CTNNA2: variants seen among roughly 807,000 people sequenced by gnomAD.
CTNNA2 encodes catenin alpha-2.
In CTNNA2, 42 loss-of-function variants were observed where a neutral mutation model predicts 101.0. The ratio of observed to expected loss-of-function variants is 0.42; its 90% CI spans 0.32 to 0.54. CTNNA2 has a LOEUF of 0.54. CTNNA2 is among the 20% of genes least tolerant of loss of function. CTNNA2 has a pLI of 0.14. For synonymous variants in CTNNA2, 450 were observed against 456.4 expected (o/e 0.99, Z 0.18); for missense variants, 871 against 1,223.1 (o/e 0.71, Z 4.29).
intron 2 of CTNNA2, among the ~76,000 whole-genome samples, chr2:79,282,527 G>A (rs956124026): frequency 4.8e-4 from 72 of 151,190 alleles, no homozygotes; most frequent in African/African-American, 5.8e-4. Flanking sequence ...TTGTTCTTGC[G>A]ATAGTTTACT....
intron 7 of CTNNA2, among the ~76,000 whole-genome samples, chr2:80,020,645 C>A (rs1246026687): frequency 6.6e-6 from 1 of 152,044 alleles, no homozygotes; most frequent in Non-Finnish European, 1.5e-5. Context: ...TGCAGAGAAC[C>A]CCTTTTCAGG....
chr2:80,344,369 T>A lies in CTNNA2; in HGVS notation c.1057-48842T>A, dbSNP rs890611281. ...GGTCAGGGTTTAAATATCATCTTTT[T>A]GTTGCTGACTCCCAAATTTATGTCT... is the stretch of plus-strand genomic sequence containing the variant. On this transcript the variant is annotated intron_variant, in intron 7 of 18. Coordinates refer to ENST00000402739, the MANE Select transcript of CTNNA2 (RefSeq NM_001282597.3). Among the ~76,000 whole-genome samples the A allele has an allele frequency of 1.1e-3, 169 of 152,318 alleles. 1 individual carries two copies. Among genetic ancestry groups the A allele is most frequent in the Non-Finnish European group, 2.8e-4 (19 of 68,014 alleles).
chr2:79,728,790 A>T (rs939660812), intron 2 of CTNNA2, among the ~76,000 whole-genome samples: 3 of 152,200 alleles, frequency 2.0e-5, no homozygotes, highest in African/African-American at 7.2e-5. Flanking sequence ...AGCTTTCTCC[A>T]TATGGCTAGC....
At chr2:80,490,465 C>T (rs1686977229) in intron 9 of CTNNA2, among the ~76,000 whole-genome samples, 1 of 151,924 alleles carries the variant, frequency 6.6e-6, no homozygotes, top group East Asian at 1.9e-4. Context: ...ATTCAGATTT[C>T]ATATAATTTT....
At chr2:80,560,859 C>T (rs1350197015) in intron 12 of CTNNA2, among the ~76,000 whole-genome samples, 1 of 152,132 alleles carries the variant, frequency 6.6e-6, no homozygotes, top group Non-Finnish European at 1.5e-5. Flanking sequence ...TATAGGTACC[C>T]ACAGCCTAGA....
intron 3 of CTNNA2, among the ~76,000 whole-genome samples, chr2:79,842,611 T>TTTCA (rs1169857015): frequency 2.6e-5 from 4 of 152,192 alleles, no homozygotes; most frequent in African/African-American, 9.6e-5. Flanking sequence ...GATCACCGAC[T>TTTCA]TTCAGACTTA....
chr2:80,561,054 T>A (rs1693543408), intron 12 of CTNNA2, among the ~76,000 whole-genome samples: 1 of 152,194 alleles, frequency 6.6e-6, no homozygotes, highest in African/African-American at 2.4e-5. Context: ...GGCCTATGCT[T>A]CCTTCAGTTG....
At chr2:80,475,724 T>G (rs1196547274) in intron 9 of CTNNA2, among the ~76,000 whole-genome samples, 2 of 152,130 alleles carry the variant, frequency 1.3e-5, no homozygotes, top group Non-Finnish European at 2.9e-5. Flanking sequence ...TTACTAACAG[T>G]CAAATCTTCC....
intron 2 of CTNNA2, among the ~76,000 whole-genome samples, chr2:79,733,295 A>G (rs192939744): frequency 2.6e-5 from 4 of 152,280 alleles, no homozygotes; most frequent in East Asian, 1.9e-4. Context: ...ATGTAAATAC[A>G]TATTTTAACT....
intron 7 of CTNNA2, among the ~76,000 whole-genome samples, chr2:80,181,789 T>G (rs1457343919): frequency 6.6e-6 from 1 of 152,190 alleles, no homozygotes; most frequent in Non-Finnish European, 1.5e-5. Context: ...GAATCAGGAG[T>G]ATCAAATGAA....
chr2:79,654,378 T>C (rs953657184), intron 2 of CTNNA2, among the ~76,000 whole-genome samples: 3 of 152,208 alleles, frequency 2.0e-5, no homozygotes, highest in African/African-American at 7.2e-5. Context: ...CCAGTGTGGC[T>C]CTAGGGAGGC....
intron 7 of CTNNA2, among the ~76,000 whole-genome samples, chr2:80,285,076 T>C (rs1674652390): frequency 6.6e-6 from 1 of 152,076 alleles, no homozygotes; most frequent in Non-Finnish European, 1.5e-5. Context: ...AAGTGAAATA[T>C]TACTCTGAGG....
intron 4 of CTNNA2, among the ~76,000 whole-genome samples, chr2:79,441,581 C>T (rs1678778724): frequency 6.6e-6 from 1 of 152,174 alleles, no homozygotes; most frequent in Non-Finnish European, 1.5e-5. Context: ...TTTGTCCCTT[C>T]TCATTCCATG....
At chr2:79,625,766 T>C (rs1465299634) in intron 1 of CTNNA2, among the ~76,000 whole-genome samples, 1 of 152,198 alleles carries the variant, frequency 6.6e-6, no homozygotes, top group Admixed American at 6.5e-5. Flanking sequence ...AAAACACTGA[T>C]ACTTTGCCTT....
intron 1 of CTNNA2, among the ~76,000 whole-genome samples, chr2:79,519,462 A>G (rs1388026951): frequency 6.6e-6 from 1 of 152,156 alleles, no homozygotes; most frequent in African/African-American, 2.4e-5. Flanking sequence ...CAGGTTTTCA[A>G]CCAGCTAATT....
chr2:80,058,181 A>T (rs1459561907), intron 7 of CTNNA2, among the ~76,000 whole-genome samples: 1 of 152,194 alleles, frequency 6.6e-6, no homozygotes, highest in Non-Finnish European at 1.5e-5. Flanking sequence ...GTAATAGGAT[A>T]CTGGGTCTTC....
At chr2:79,888,087 A>C (rs954659034) in intron 6 of CTNNA2, among the ~76,000 whole-genome samples, 4 of 152,176 alleles carry the variant, frequency 2.6e-5, no homozygotes, top group African/African-American at 4.8e-5. Context: ...TGTTTAGTCT[A>C]CCTATGACAA....
chr2:79,185,933 T>C (rs527688311), intron 1 of CTNNA2, among the ~76,000 whole-genome samples: 4 of 152,326 alleles, frequency 2.6e-5, no homozygotes, highest in Non-Finnish European at 4.4e-5. Flanking sequence ...TTGTCAGATA[T>C]ATGTTTTTTA....
intron 7 of CTNNA2, among the ~76,000 whole-genome samples, chr2:79,929,307 A>G (rs1172783253): frequency 6.6e-6 from 1 of 152,258 alleles, no homozygotes; most frequent in African/African-American, 2.4e-5. Context: ...TGTTTTGATT[A>G]GAAAAAGATA....
Sources: gnomAD v4.1 joint callset for allele counts (sites outside exome capture counted in the v4.1 genomes callset) on GRCh38, gnomAD v4.1.1 for gene constraint, MANE v1.5 for transcripts, NCBI Gene and HGNC (gene_info 2026-07-23, HGNC 2026-07-21) for gene names.